ZFAT: variants seen among roughly 807,000 people sequenced by gnomAD.
The protein encoded by ZFAT is zinc finger and AT-hook domain containing.
ZFAT carries 64 observed loss-of-function variants against 117.7 expected under a neutral mutation model. The observed-to-expected ratio is 0.54, with a 90% confidence interval of 0.44 to 0.67. ZFAT has a LOEUF of 0.67. Ranked by LOEUF, ZFAT falls within the 30% of genes least tolerant of loss-of-function variation. ZFAT has a pLI of 0.00. For missense variants in ZFAT, 1,433 were observed against 1,584.5 expected (o/e 0.90, Z 1.62); for synonymous variants, 679 against 615.0 (o/e 1.10, Z -1.54).
intron 15 of ZFAT, 119 bp downstream of exon 15, chr8:134,509,500 G>C (rs1819652737): frequency 1.4e-6 from 2 of 1,442,194 alleles, no homozygotes; most frequent in East Asian, 4.7e-5. Flanking sequence ...TATGAGACTA[G>C]ACCAATTTCA....
At chr8:134,552,369 T>A (rs1157058551) in intron 11 of ZFAT, among the ~76,000 whole-genome samples, 2 of 152,234 alleles carry the variant, frequency 1.3e-5, no homozygotes, top group African/African-American at 4.8e-5. Context: ...TGTCAAATTG[T>A]GGTATCATGT....
At chr8:134,711,796 G>A (rs967537688) in intron 1 of ZFAT, among the ~76,000 whole-genome samples, 1 of 152,114 alleles carries the variant, frequency 6.6e-6, no homozygotes, top group Non-Finnish European at 1.5e-5. Flanking sequence ...CCTGCCTGGC[G>A]TGCAGAGGGG....
At chr8:134,809,472 G>A in the ZFAT span, among the ~76,000 whole-genome samples, 8 of 152,260 alleles carry the variant, frequency 5.3e-5, no homozygotes, top group African/African-American at 1.4e-4. Flanking sequence ...TGGTTTGTCC[G>A]GGACTGTGAG....
At position 134,509,718 on chromosome 8, in the gene ZFAT, G is replaced by A; in HGVS notation, c.3393C>T (p.Ile1131=). 6.2e-7 allele frequency: 1 copy of A among 1,611,508 alleles called. No homozygotes were observed. Among genetic ancestry groups the A allele is most frequent in the Non-Finnish European group, 8.5e-7 (1 of 1,179,212 alleles). ...CGCCCAGCTCAATGATCTGCTGCAG[G>A]ATGTTCACGGCCGTGGGGTCCAGTC... The part of the protein sequence containing the change: ...GDRLDPTAVN[I]LQQIIELGAE... Residue 1131 remains isoleucine (I), a synonymous_variant, in exon 15 of 16, where the codon ATC becomes ATT. Coordinates refer to ENST00000377838, the MANE Select transcript of ZFAT (RefSeq NM_020863.4).
intron 2 of ZFAT, among the ~76,000 whole-genome samples, chr8:134,653,649 G>A (rs1831419109): frequency 6.6e-6 from 1 of 151,986 alleles, no homozygotes; most frequent in Non-Finnish European, 1.5e-5. Context: ...TAGCTTGGCT[G>A]TGACTTCACA....
At chr8:134,712,718 C>CGCGGCCGGCGGGCCG (rs1814057960) in intron 1 of ZFAT, 127 bp downstream of exon 1, 4 of 824,968 alleles carry the variant, frequency 4.8e-6, no homozygotes, top group Non-Finnish European at 6.8e-6. Flanking sequence ...CGGATCCCTC[C>CGCGGCCGGCGGGCCG]GCGGCCGGCG....
At chr8:134,747,796 AT>A in the ZFAT span, among the ~76,000 whole-genome samples, 1 of 151,716 alleles carries the variant, frequency 6.6e-6, no homozygotes, top group Non-Finnish European at 1.5e-5. Flanking sequence ...TTCCTTTTTT[AT>A]TATAATGAAG....
intron 2 of ZFAT, among the ~76,000 whole-genome samples, chr8:134,638,321 C>T (rs144049103): frequency 6.6e-6 from 1 of 152,206 alleles, no homozygotes; most frequent in Non-Finnish European, 1.5e-5. Flanking sequence ...TGCTTTAGAG[C>T]AAGTTTAAAA....
intron 1 of ZFAT, among the ~76,000 whole-genome samples, chr8:134,699,184 G>A (rs572388742): frequency 1.3e-5 from 2 of 151,992 alleles, no homozygotes; most frequent in Non-Finnish European, 2.9e-5. Flanking sequence ...ACACCTGAGA[G>A]CAGGTCAAAC....
chr8:134,548,131 C>T (rs1191602537), intron 11 of ZFAT, among the ~76,000 whole-genome samples: 1 of 152,228 alleles, frequency 6.6e-6, no homozygotes, highest in African/African-American at 2.4e-5. Flanking sequence ...TAAATTTCTA[C>T]AGAACCTATT....
Position 134,478,840 on chromosome 8 carries a change from C to T in ZFAT, c.3493-119G>A. 1 of 1,394,364 alleles carries T rather than the reference C, an allele frequency of 7.2e-7. No homozygotes were observed. Among genetic ancestry groups the T allele is most frequent in the East Asian group, 2.5e-5 (1 of 39,746 alleles). The allele number at this position is 1,394,364 out of a possible 1,614,324, so 86.4% of individuals were successfully genotyped here. The stretch of plus-strand genomic sequence containing the variant: ...GCGCTGCGGGAGCACGTCCATTCTC[C>T]ACGGATCCTCTCTACCAGGCTGTGC... On this transcript the variant is annotated intron_variant, in intron 15 of 15. Coordinates refer to ENST00000377838, the MANE Select transcript of ZFAT (RefSeq NM_020863.4). The surrounding 1 kb of genome is among the most constrained non-coding windows in gnomAD (Gnocchi z 5.2).
chr8:134,742,044 GCT>G, the ZFAT span, among the ~76,000 whole-genome samples: 6 of 151,954 alleles, frequency 3.9e-5, no homozygotes, highest in Non-Finnish European at 7.4e-5. Context: ...CCCTAACCAA[GCT>G]CTCTCTGCTC....
At chr8:134,740,948 G>A in the ZFAT span, among the ~76,000 whole-genome samples, 1 of 152,184 alleles carries the variant, frequency 6.6e-6, no homozygotes, top group Non-Finnish European at 1.5e-5. Context: ...TTGAGAGCAG[G>A]TAGGAAAGTC....
chr8:134,669,375 G>A (rs569616170), intron 1 of ZFAT, among the ~76,000 whole-genome samples: 4 of 152,166 alleles, frequency 2.6e-5, no homozygotes, highest in African/African-American at 9.7e-5. Flanking sequence ...ACCCACAAAG[G>A]GAAGCCCATC....
At chr8:134,628,453 G>A (rs558617915) in intron 3 of ZFAT, among the ~76,000 whole-genome samples, 55 of 152,290 alleles carry the variant, frequency 3.6e-4, no homozygotes, top group African/African-American at 1.3e-3. Context: ...ACAGCAGTGG[G>A]TGTCACAAAG....
chr8:134,753,269 G>T, the ZFAT span, among the ~76,000 whole-genome samples: 2 of 148,212 alleles, frequency 1.3e-5, no homozygotes, highest in African/African-American at 5.1e-5. Context: ...ATTTTGGGGG[G>T]GCAGAGGGAG....
chr8:134,524,076 G>A (rs7823753), intron 12 of ZFAT, among the ~76,000 whole-genome samples: 152,095 of 152,338 alleles, frequency 1, 75,927 homozygotes, highest in Middle Eastern at 1. Context: ...TCTGTCTTGC[G>A]TCACTGACTC....
the ZFAT span, among the ~76,000 whole-genome samples, chr8:134,812,733 CTCAATCAATCAG>C: frequency 6.6e-6 from 1 of 152,102 alleles, no homozygotes; most frequent in Non-Finnish European, 1.5e-5. Context: ...AAGACTCTGT[CTCAATCAATCAG>C]TCAATCAATC....
At chr8:134,697,074 C>T (rs1386842411) in intron 1 of ZFAT, among the ~76,000 whole-genome samples, 1 of 151,666 alleles carries the variant, frequency 6.6e-6, no homozygotes, top group Non-Finnish European at 1.5e-5. Flanking sequence ...CCCACCGCCA[C>T]ATCTGGCTAA....
Sources: gnomAD v4.1 joint callset for allele counts (sites outside exome capture counted in the v4.1 genomes callset) on GRCh38, gnomAD v4.1.1 for gene constraint, Gnocchi (gnomAD v3.1) non-coding constraint, MANE v1.5 for transcripts, NCBI Gene and HGNC (gene_info 2026-07-23, HGNC 2026-07-21) for gene names.